SORCS1: variants seen among roughly 807,000 people sequenced by gnomAD.
SORCS1 encodes sortilin related VPS10 domain containing receptor 1.
In SORCS1, 60 loss-of-function variants were observed where a neutral mutation model predicts 146.1. The observed-to-expected ratio is 0.41, with a 90% CI of 0.33 to 0.51. The LOEUF (loss-of-function observed/expected upper bound fraction) is 0.51. Ranked by LOEUF, SORCS1 falls within the 20% of genes least tolerant of loss-of-function variation. SORCS1 has a pLI of 0.21. For synonymous variants in SORCS1, 637 were observed against 584.0 expected (o/e 1.09, Z -1.31); for missense variants, 1,352 against 1,487.6 (o/e 0.91, Z 1.50).
At position 107,091,276 on chromosome 10, in the gene SORCS1, CT is replaced by C. The variant is rs1964163200; in HGVS notation, c.558+72692del. On this transcript the variant is annotated intron_variant, in intron 1 of 25. Coordinates refer to ENST00000263054, the MANE Select transcript of SORCS1 (RefSeq NM_052918.5). Reference sequence around the variant, plus strand: ...TAAATCCCATAATCCTCACCACCTGCTTATGGGTTCCCCAGCATCGGTGATG... The same window carrying C: ...TAAATCCCATAATCCTCACCACCTGCTATGGGTTCCCCAGCATCGGTGATG... Among the ~76,000 whole-genome samples, 7 of 152,354 alleles carry C rather than the reference CT, an allele frequency of 4.6e-5. No homozygotes were observed. In the South Asian group the frequency reaches 1.5e-3, roughly 32 times the overall value.
intron 5 of SORCS1, among the ~76,000 whole-genome samples, chr10:106,752,999 G>T (rs1472950835): frequency 6.6e-6 from 1 of 151,758 alleles, no homozygotes; most frequent in East Asian, 1.9e-4. Flanking sequence ...GTGAGTGATG[G>T]TATTCATTTT....
At chr10:106,872,286 G>T (rs1488045826) in intron 2 of SORCS1, among the ~76,000 whole-genome samples, 1 of 152,198 alleles carries the variant, frequency 6.6e-6, no homozygotes, top group African/African-American at 2.4e-5. Context: ...TATATAAGAG[G>T]CAGAGAGAAG....
intron 2 of SORCS1, among the ~76,000 whole-genome samples, chr10:106,952,581 G>A (rs200703705): frequency 6.6e-5 from 5 of 75,538 alleles, no homozygotes; most frequent in Non-Finnish European, 1.2e-4. Context: ...ATTATACTAT[G>A]TTATATTATA....
intron 3 of SORCS1, among the ~76,000 whole-genome samples, chr10:106,781,395 G>A (rs1860885456): frequency 6.6e-6 from 1 of 152,126 alleles, no homozygotes; most frequent in Non-Finnish European, 1.5e-5. Flanking sequence ...CTGGAATCAA[G>A]CAGAGGTAAT....
chr10:106,811,160 G>GGT (rs1947440646), intron 3 of SORCS1, among the ~76,000 whole-genome samples: 2 of 151,886 alleles, frequency 1.3e-5, no homozygotes, highest in African/African-American at 4.8e-5. Context: ...GGCTGGTCTT[G>GGT]ATCTTCTGAC....
intron 3 of SORCS1, among the ~76,000 whole-genome samples, chr10:106,805,549 C>T (rs935939911): frequency 2.6e-5 from 4 of 152,120 alleles, no homozygotes; most frequent in African/African-American, 9.7e-5. Context: ...AAAAAAGATC[C>T]TATGATGCTA....
chr10:106,983,235 TATAA>T (rs1053784414), intron 1 of SORCS1, among the ~76,000 whole-genome samples: 23 of 144,844 alleles, frequency 1.6e-4, no homozygotes, highest in African/African-American at 5.8e-4. Context: ...TATTTCTATA[TATAA>T]ATATACATAT....
At chr10:106,801,810 G>A (rs550856256) in intron 3 of SORCS1, among the ~76,000 whole-genome samples, 11 of 152,204 alleles carry the variant, frequency 7.2e-5, no homozygotes, top group African/African-American at 1.7e-4. Context: ...GATTACAGGC[G>A]TGAGCCACCG....
In SORCS1 at chr10:106,574,039, A is replaced by G. The variant is rs979610271; in HGVS notation, c.*3381T>C. 2 of 141,336 alleles carry G rather than the reference A, an allele frequency of 1.4e-5. No individual in the cohort carries two copies. The highest frequency in any genetic ancestry group is 3.0e-5 in the Non-Finnish European group (2 of 66,840). 8.8% of individuals were successfully genotyped at this position (141,336 alleles called of 1,614,324 possible). On this transcript the variant is annotated 3_prime_UTR_variant, in exon 26 of 26. Coordinates refer to ENST00000263054, the MANE Select transcript of SORCS1 (RefSeq NM_052918.5). ...TAAAATTAGAAGTAGTTCCAATACT[A>G]TAAGAAAACTTTTTTTTTTTTTAAT...
intron 2 of SORCS1, among the ~76,000 whole-genome samples, chr10:106,890,086 T>C (rs1266810679): frequency 6.6e-6 from 1 of 152,072 alleles, no homozygotes; most frequent in Non-Finnish European, 1.5e-5. Flanking sequence ...ACCACAAACA[T>C]AGTAAAGTTA....
intron 22 of SORCS1, among the ~76,000 whole-genome samples, chr10:106,608,092 G>T (rs747250930): frequency 6.6e-6 from 1 of 152,170 alleles, no homozygotes; most frequent in Non-Finnish European, 1.5e-5. Flanking sequence ...AGAATCAATA[G>T]CTATAATCCC....
intron 1 of SORCS1, among the ~76,000 whole-genome samples, chr10:107,058,277 G>A (rs560264787): frequency 3.2e-4 from 48 of 152,118 alleles, no homozygotes; most frequent in Middle Eastern, 6.8e-3. Context: ...TCCCGACCTC[G>A]TGATCCGCCT....
chr10:106,595,120 G>T (rs1007677435), intron 24 of SORCS1, among the ~76,000 whole-genome samples: 2 of 152,118 alleles, frequency 1.3e-5, no homozygotes, highest in Non-Finnish European at 2.9e-5. Flanking sequence ...GTAGGAAAAG[G>T]CCAGTCAGGA....
chr10:106,626,077 C>T (rs1296307554), intron 19 of SORCS1, among the ~76,000 whole-genome samples: 2 of 152,164 alleles, frequency 1.3e-5, no homozygotes, highest in Non-Finnish European at 2.9e-5. Flanking sequence ...TTCAGATGAC[C>T]TTTGCAAACC....
At chr10:106,578,872 G>A in intron 25 of SORCS1, 1 of 1,393,380 alleles carries the variant, frequency 7.2e-7, no homozygotes, top group Admixed American at 3.1e-5. Flanking sequence ...GCAAAAGGAG[G>A]AATAAACTAA....
At chr10:106,703,103 GA>G (rs1209802891) in intron 8 of SORCS1, among the ~76,000 whole-genome samples, 1 of 151,694 alleles carries the variant, frequency 6.6e-6, no homozygotes, top group Non-Finnish European at 1.5e-5. Context: ...AAATTCTCAG[GA>G]AGGATTACTA....
intron 2 of SORCS1, among the ~76,000 whole-genome samples, chr10:106,888,825 C>A (rs1026650353): frequency 2.6e-5 from 4 of 152,188 alleles, no homozygotes; most frequent in Non-Finnish European, 5.9e-5. Context: ...GACCTTGCTC[C>A]AAACATTGTG....
chr10:106,752,315 G>A (rs1347516454), intron 5 of SORCS1, among the ~76,000 whole-genome samples: 7 of 152,158 alleles, frequency 4.6e-5, no homozygotes, highest in Non-Finnish European at 7.4e-5. Flanking sequence ...TGGCACAGGT[G>A]GGCTTTCGTA....
intron 18 of SORCS1, among the ~76,000 whole-genome samples, chr10:106,646,690 CA>C (rs775360323): frequency 6.6e-6 from 1 of 150,832 alleles, no homozygotes. Context: ...GAGTGAGACT[CA>C]AAAAAAATAA....
Sources: gnomAD v4.1 joint callset for allele counts (sites outside exome capture counted in the v4.1 genomes callset) on GRCh38, gnomAD v4.1.1 for gene constraint, MANE v1.5 for transcripts, NCBI Gene and HGNC (gene_info 2026-07-23, HGNC 2026-07-21) for gene names.